ACSS1: variants seen among roughly 807,000 people sequenced by gnomAD.
The protein encoded by ACSS1 is acetyl-coenzyme A synthetase 2-like, mitochondrial.
In ACSS1, 42 loss-of-function variants were observed where a neutral mutation model predicts 75.3. The ratio of observed to expected loss-of-function variants is 0.56; its 90% confidence interval spans 0.44 to 0.72. ACSS1 has a LOEUF of 0.72. ACSS1 is among the 30% of genes least tolerant of loss of function. The probability of loss-of-function intolerance (pLI) is 0.00; values close to 1 mark genes in which losing one functional copy is unlikely to be tolerated. For missense variants in ACSS1, 782 were observed against 935.7 expected, an observed-to-expected ratio of 0.84 and a Z score of 2.14; for synonymous variants, 380 against 376.8, an observed-to-expected ratio of 1.01 and a Z score of -0.10.
chr20:25,037,356 G>C (rs1486191811), intron 2 of ACSS1, among the ~76,000 whole-genome samples: 1 of 152,172 alleles, frequency 6.6e-6, no homozygotes, highest in African/African-American at 2.4e-5. Context: ...CTAGGCTGCT[G>C]TCACCTTGCA....
At chr20:25,044,392 C>CA (rs1420723896) in intron 2 of ACSS1, among the ~76,000 whole-genome samples, 1 of 152,296 alleles carries the variant, frequency 6.6e-6, no homozygotes, top group Non-Finnish European at 1.5e-5. Flanking sequence ...CTTGGGAGGC[C>CA]AAGGTGGGCA....
intron 1 of ACSS1, among the ~76,000 whole-genome samples, chr20:25,051,964 G>T (rs562708173): frequency 3.2e-4 from 48 of 152,138 alleles, no homozygotes; most frequent in Non-Finnish European, 6.0e-4. Context: ...CCCCAAGAAG[G>T]CAAACAGAAC....
intron 7 of ACSS1, among the ~76,000 whole-genome samples, chr20:25,019,034 A>G (rs1048179936): frequency 6.6e-6 from 1 of 152,196 alleles, no homozygotes; most frequent in Non-Finnish European, 1.5e-5. Context: ...GGATGCCCGC[A>G]TGGCCTCATG....
rs561681445 is a variant in ACSS1 at position 25,021,121 on chromosome 20, G to A, written c.1108+268C>T. Among the ~76,000 whole-genome samples the A allele has an allele frequency of 2.6e-5, 4 of 152,330 alleles. No homozygotes were observed. The East Asian group carries it at 5.8e-4, about 22-fold the overall frequency. ...GATGCCAAAGCGATGGCCTGAGGCC[G>A]GCAGTTTAAGTCAGAGGGCAGGAGT... is the stretch of plus-strand genomic sequence containing the variant. On this transcript the variant is annotated intron_variant, in intron 6 of 13. Transcript: ENST00000323482.
rs550590684 is a variant in ACSS1, at chr20:25,036,060, C to T, written c.432-5102G>A. ...AGCACCCTAGTGGGTTTCCAAAGCA[C>T]GGGGACATGCAGCTTTCTGAGTCAC... On this transcript the variant is annotated intron_variant, in intron 2 of 13. Transcript: ENST00000323482. Among the ~76,000 whole-genome samples, 3 of 152,280 alleles carry T rather than the reference C, an allele frequency of 2.0e-5. No individual in the cohort carries two copies. The South Asian group carries it at 6.2e-4, about 32-fold the overall frequency.
At position 25,054,383 on chromosome 20, in the gene ACSS1, G is replaced by A. The variant is rs192015074; in HGVS notation, c.334+3386C>T. 2.1e-4 allele frequency among the ~76,000 whole-genome samples: 32 copies of A among 152,356 alleles called. No individual in the cohort carries two copies. In the East Asian group the frequency reaches 6.2e-3, roughly 29 times the overall value. ...AATAAATAACAAATAGTCAGTGACT[G>A]GGGATGTATAATGTGTTAAGAAAGT... On this transcript the variant is annotated intron_variant, in intron 1 of 13. Coordinates refer to ENST00000323482, the MANE Select transcript of ACSS1 (RefSeq NM_032501.4).
In ACSS1 at chr20:25,019,889, T is replaced by C. The variant is rs1465561539; in HGVS notation, c.1246+121A>G. 1.5e-5 allele frequency: 21 copies of C among 1,416,916 alleles called. No individual in the cohort carries two copies. The African/African-American group carries it at 1.7e-4, about 11-fold the overall frequency. 87.8% of individuals were successfully genotyped at this position (1,416,916 alleles called of 1,614,324 possible). A position where few individuals can be genotyped will look rare whatever the true frequency, so the allele number is the denominator to read the frequency against. ...GCTTTCTACCAGATCCGGTCTGGCA[T>C]TGCGTGAATTCACACATACAAAGCC... is the stretch of plus-strand genomic sequence containing the variant. On this transcript the variant is annotated intron_variant, in intron 7 of 13. Transcript: ENST00000323482.
intron 3 of ACSS1, among the ~76,000 whole-genome samples, chr20:25,029,794 G>C (rs927104795): frequency 5.9e-5 from 9 of 152,194 alleles, no homozygotes; most frequent in African/African-American, 9.7e-5. Flanking sequence ...TAATGTGACT[G>C]AATTGTACAC....
intron 2 of ACSS1, among the ~76,000 whole-genome samples, chr20:25,040,067 C>T (rs1413326951): frequency 6.6e-6 from 1 of 152,188 alleles, no homozygotes; most frequent in African/African-American, 2.4e-5. Flanking sequence ...GGGAGAAAGC[C>T]ACAGAAGTGA....
chr20:25,008,572 C>T (rs1029164779), intron 13 of ACSS1, among the ~76,000 whole-genome samples: 2 of 152,110 alleles, frequency 1.3e-5, no homozygotes, highest in African/African-American at 4.8e-5. Context: ...CTGGCCCTGC[C>T]GCCTCTGAGG....
intron 2 of ACSS1, among the ~76,000 whole-genome samples, chr20:25,039,381 T>C (rs903782149): frequency 6.6e-6 from 1 of 152,236 alleles, no homozygotes; most frequent in Admixed American, 6.5e-5. Context: ...GCTATAATTA[T>C]TCATGTAACA....
intron 1 of ACSS1, among the ~76,000 whole-genome samples, 169 bp from the exon 2 acceptor site, chr20:25,048,350 G>C (rs2089129602): frequency 1.3e-5 from 2 of 152,134 alleles, no homozygotes; most frequent in Admixed American, 6.5e-5. Context: ...CAAGGAGAAG[G>C]GTGAACAAAC....
chr20:25,007,858 C>T lies in ACSS1; in HGVS notation c.1974G>A (p.Glu658=), dbSNP rs776248718. The part of the protein sequence containing the change: ...LRKIITSEAQ[E]LGDTTTLEDP... ...CCTCCAAGGTGGTAGTGTCTCCCAG[C>T]TCCTGGGCCTCACTAGTGATGATCT... Residue 658 remains glutamate, a synonymous_variant, in exon 14 of 14, where the codon GAG becomes GAA. Transcript: ENST00000323482. 5.0e-6 allele frequency: 8 copies of T among 1,614,216 alleles called. No individual in the cohort carries two copies. The highest frequency in any genetic ancestry group is 6.8e-6 in the Non-Finnish European group (8 of 1,180,034).
At chr20:25,048,794 A>G (rs924588026) in intron 1 of ACSS1, among the ~76,000 whole-genome samples, 1 of 152,110 alleles carries the variant, frequency 6.6e-6, no homozygotes, top group African/African-American at 2.4e-5. Context: ...CTCCCTCTCC[A>G]TTACCCAAGC....
intron 3 of ACSS1, among the ~76,000 whole-genome samples, chr20:25,026,748 C>T (rs977566614): frequency 6.6e-6 from 1 of 152,134 alleles, no homozygotes; most frequent in Non-Finnish European, 1.5e-5. Flanking sequence ...ACACAGATAC[C>T]CATCTCAACA....
intron 2 of ACSS1, among the ~76,000 whole-genome samples, chr20:25,039,936 G>T (rs1366767322): frequency 6.6e-6 from 1 of 152,228 alleles, no homozygotes; most frequent in African/African-American, 2.4e-5. Flanking sequence ...GGAAGCTCCT[G>T]CAGGCTGGCA....
chr20:25,028,905 C>T (rs930355720), intron 3 of ACSS1, among the ~76,000 whole-genome samples: 7 of 150,510 alleles, frequency 4.7e-5, no homozygotes, highest in Admixed American at 2.0e-4. Context: ...GGCAACAGAG[C>T]GAGAATCCAT....
At chr20:25,031,062 G>A (rs1343071385) in intron 2 of ACSS1, 104 bp from the exon 3 acceptor site, 2 of 1,166,094 alleles carry the variant, frequency 1.7e-6, no homozygotes, top group Admixed American at 4.0e-5. Flanking sequence ...TATACATCCA[G>A]CCCAGTGCCA....
Position 25,013,942 on chromosome 20 carries a change from G to T in ACSS1, c.1452+19C>A, listed in dbSNP as rs182399293. On this transcript the variant is annotated intron_variant, in intron 9 of 13. Transcript: ENST00000323482. ...GAGGGCAAGCACATGACCCCCATGTGGGGGAGGCCCATACACACCTTCTCA... is the reference window on the plus strand; with the variant it reads ...GAGGGCAAGCACATGACCCCCATGTTGGGGAGGCCCATACACACCTTCTCA... 65 of 1,605,196 alleles carry T rather than the reference G, an allele frequency of 4.0e-5. No homozygotes were observed. In the Admixed American group the frequency reaches 8.0e-4, roughly 20 times the overall value.
Sources: allele counts gnomAD v4.1 joint callset (sites outside exome capture counted in the v4.1 genomes callset), GRCh38; gene constraint gnomAD v4.1.1; transcripts MANE v1.5; gene names NCBI Gene and HGNC (gene_info 2026-07-23, HGNC 2026-07-21).